Variants in HERPUD2 observed in about 807,000 individuals in gnomAD.
The protein encoded by HERPUD2 is HERPUD family member 2, also known as homocysteine-responsive endoplasmic reticulum-resident ubiquitin-like domain member 2 protein.
Under a neutral mutation model 49.9 loss-of-function variants are expected in HERPUD2, and 13 were observed. The ratio of observed to expected loss-of-function variants is 0.26; its 90% confidence interval spans 0.17 to 0.41. HERPUD2 has a LOEUF of 0.41. Ranked by LOEUF, HERPUD2 falls within the 10% of genes least tolerant of loss-of-function variation. HERPUD2 has a pLI of 1.00. For missense variants in HERPUD2, 449 were observed against 492.2 expected, an observed-to-expected ratio of 0.91 and a Z score of 0.83; for synonymous variants, 172 against 171.4, an observed-to-expected ratio of 1.00 and a Z score of -0.03.
At chr7:35,636,381 T>G (rs1784871700) in intron 6 of HERPUD2, among the ~76,000 whole-genome samples, 1 of 152,252 alleles carries the variant, frequency 6.6e-6, no homozygotes, top group Non-Finnish European at 1.5e-5. Context: ...TGTATAGGGC[T>G]TTTTAGTTTA....
rs1785911377 is a variant in HERPUD2 at position 35,682,260 on chromosome 7, TGTATATATAGATATATACACATACACAC to T, written c.148-9010_148-8983del. Among the ~76,000 whole-genome samples the T allele has an allele frequency of 2.6e-4, 18 of 68,500 alleles. 2 individuals are homozygous for T. Among genetic ancestry groups the T allele is most frequent in the South Asian group, 4.3e-4 (1 of 2,340 alleles). The allele number at this position is 68,500 out of a possible 152,430, so 44.9% of individuals were successfully genotyped here. A position where few individuals can be genotyped will look rare whatever the true frequency, so the allele number is the denominator to read the frequency against. On this transcript the variant is annotated intron_variant, in intron 2 of 8. Transcript: ENST00000311350. ...ATATACACATACACACGTGTGTGTG[TGTATATATAGATATATACACATACACAC>T]GTGTGTGTGTGTATATATAGATATA...
Position 35,635,394 on chromosome 7 carries a change from G to T in HERPUD2, c.682C>A (p.Pro228Thr), listed in dbSNP as rs536626540. 2.9e-5 allele frequency: 47 copies of T among 1,614,130 alleles called. No individual in the cohort carries two copies. The East Asian group carries it at 9.4e-4, about 32-fold the overall frequency. The change falls in exon 7 of 9, where the codon CCT becomes ACT. Residue 228 changes from proline to threonine, a missense_variant. By Grantham distance (38) the Pro-to-Thr change is conservative (BLOSUM62 -1). Coordinates refer to ENST00000311350, the MANE Select transcript of HERPUD2 (RefSeq NM_022373.5). ...VNPTQPTTSQPLNLAHVPGEE... is the reference protein window; with the variant it reads ...VNPTQPTTSQTLNLAHVPGEE... Reference sequence around the variant, plus strand: ...CCAGGAACATGTGCCAAATTTAGAGGCTGTGAAGTAGTAGGCTGGGTTGGG... The same window carrying T: ...CCAGGAACATGTGCCAAATTTAGAGTCTGTGAAGTAGTAGGCTGGGTTGGG...
At chr7:35,693,132 G>A (rs1425823754) in intron 2 of HERPUD2, among the ~76,000 whole-genome samples, 1 of 152,194 alleles carries the variant, frequency 6.6e-6, no homozygotes, top group East Asian at 1.9e-4. Context: ...TACCAACCAC[G>A]GCCTTTCAAA....
intron 5 of HERPUD2, among the ~76,000 whole-genome samples, chr7:35,647,943 T>C (rs1277806768): frequency 1.3e-4 from 20 of 151,094 alleles, no homozygotes; most frequent in Non-Finnish European, 1.5e-5. Context: ...GGATAAAGTG[T>C]GGTAAATGAA....
rs190775898 is a variant in HERPUD2, at chr7:35,633,247, T to G, written c.*443A>C. The G allele has an allele frequency of 2.6e-5, 4 of 152,300 alleles. No homozygotes were observed. The highest frequency in any genetic ancestry group is 9.7e-5 in the African/African-American group (4 of 41,358). 9.4% of individuals were successfully genotyped at this position (152,300 alleles called of 1,614,324 possible). ...ACACCCGGCTAATTTTTTTGTATTT[T>G]TAGTTAAGATGGGGTTTCGCCATGT... On this transcript the variant is annotated 3_prime_UTR_variant, in exon 9 of 9. Transcript: ENST00000311350.
At chr7:35,682,223 G>A (rs1237012737) in intron 2 of HERPUD2, among the ~76,000 whole-genome samples, 1 of 132,526 alleles carries the variant, frequency 7.5e-6, no homozygotes, top group Non-Finnish European at 1.6e-5. Flanking sequence ...GTGTGTGTGT[G>A]TATATATAGA....
intron 2 of HERPUD2, among the ~76,000 whole-genome samples, chr7:35,673,689 C>A (rs1280879701): frequency 6.6e-6 from 1 of 152,090 alleles, no homozygotes; most frequent in African/African-American, 2.4e-5. Flanking sequence ...TCACCAGAAT[C>A]ATTTTGCCTT....
chr7:35,689,378 G>A (rs369146868), intron 2 of HERPUD2, among the ~76,000 whole-genome samples: 2 of 152,126 alleles, frequency 1.3e-5, no homozygotes, highest in Admixed American at 6.5e-5. Flanking sequence ...TAAGACAATA[G>A]TTTTATAAAA....
chr7:35,635,501 T>C, intron 6 of HERPUD2, 43 bp from the exon 7 acceptor site: 1 of 1,475,184 alleles, frequency 6.8e-7, no homozygotes, highest in South Asian at 1.3e-5. Context: ...AAAAAAAAAC[T>C]TTACCATACC....
intron 4 of HERPUD2, among the ~76,000 whole-genome samples, chr7:35,668,183 A>T (rs1562680130): frequency 6.6e-6 from 1 of 152,188 alleles, no homozygotes; most frequent in Non-Finnish European, 1.5e-5. Flanking sequence ...TCCTACAGAA[A>T]ATGAGATTGG....
chr7:35,692,948 T>C (rs1786224211), intron 2 of HERPUD2, among the ~76,000 whole-genome samples: 1 of 152,220 alleles, frequency 6.6e-6, no homozygotes, highest in South Asian at 2.1e-4. Context: ...TGCCAAAAGT[T>C]ATTTCCCACC....
chr7:35,661,642 AATGGGAGTTC>A (rs1214429171), intron 5 of HERPUD2, among the ~76,000 whole-genome samples: 2 of 152,174 alleles, frequency 1.3e-5, no homozygotes, highest in Non-Finnish European at 2.9e-5. Context: ...AGCAATTGTG[AATGGGAGTTC>A]ACTCATGATT....
chr7:35,667,287 C>T, intron 5 of HERPUD2, 147 bp downstream of exon 5: 1 of 703,766 alleles, frequency 1.4e-6, no homozygotes. Context: ...CTCTTCTTAA[C>T]CCTCTAGTTC....
At chr7:35,694,731 G>A (rs1786280223) in intron 1 of HERPUD2, 70 bp downstream of exon 1, 2 of 198,698 alleles carry the variant, frequency 1.0e-5, no homozygotes, top group African/African-American at 4.6e-5. Context: ...AGGCCCCTAC[G>A]CCACGGCCCC....
At position 35,667,538 on chromosome 7, in the gene HERPUD2, C is replaced by G; in HGVS notation, c.390G>C (p.Leu130Phe). Residue 130 changes from leucine (L) to phenylalanine (F), a missense_variant, in exon 5 of 9, where the codon TTG becomes TTC. Transcript: ENST00000311350. Reference sequence around the variant, plus strand: ...CTGAGGAAGAACCCACAGCTAAAGACAAGGTTTCTTGACCAGATGATGGAG... The same window carrying G: ...CTGAGGAAGAACCCACAGCTAAAGAGAAGGTTTCTTGACCAGATGATGGAG... ...STTPSSGQET[L>F]SLAVGSSSEG... 1 of 1,613,650 alleles carries G rather than the reference C, an allele frequency of 6.2e-7. No individual in the cohort carries two copies. The highest frequency in any genetic ancestry group is 8.5e-7 in the Non-Finnish European group (1 of 1,179,638).
At chr7:35,687,444 T>C (rs545212058) in intron 2 of HERPUD2, among the ~76,000 whole-genome samples, 3 of 152,326 alleles carry the variant, frequency 2.0e-5, no homozygotes, top group South Asian at 4.1e-4. Context: ...TGGTCACAGA[T>C]GGCAGTGCAG....
At chr7:35,682,853 T>C (rs966957460) in intron 2 of HERPUD2, among the ~76,000 whole-genome samples, 9 of 146,734 alleles carry the variant, frequency 6.1e-5, no homozygotes, top group African/African-American at 2.0e-4. Context: ...CTTAGGAATA[T>C]ACCTAACCAA....
intron 5 of HERPUD2, among the ~76,000 whole-genome samples, chr7:35,653,300 CTTTAA>C (rs1444073766): frequency 1.3e-5 from 2 of 152,038 alleles, no homozygotes; most frequent in African/African-American, 2.4e-5. Flanking sequence ...ATAAAACAGA[CTTTAA>C]TTTAAAAACA....
chr7:35,682,341 GTGTGTGTGTGTGTGTGTA>G lies in HERPUD2; in HGVS notation c.148-9081_148-9064del, dbSNP rs1562686242. Among the ~76,000 whole-genome samples the G allele has an allele frequency of 2.8e-3, 71 of 24,966 alleles. 13 individuals carry two copies. Among genetic ancestry groups the G allele is most frequent in the Middle Eastern group, 0.015 (1 of 68 alleles). The allele number at this position is 24,966 out of a possible 152,430, so 16.4% of individuals were successfully genotyped here. A position where few individuals can be genotyped will look rare whatever the true frequency, so the allele number is the denominator to read the frequency against. ...CACATACACACGTGTGTGTGTGTGT[GTGTGTGTGTGTGTGTGTA>G]TATATATATATATATATATATATAT... On this transcript the variant is annotated intron_variant, in intron 2 of 8. Transcript: ENST00000311350.
Sources: gnomAD v4.1 joint callset for allele counts (sites outside exome capture counted in the v4.1 genomes callset) on GRCh38, gnomAD v4.1.1 for gene constraint, MANE v1.5 for transcripts, NCBI Gene and HGNC (gene_info 2026-07-23, HGNC 2026-07-21) for gene names.